HOXD3: variants seen among roughly 807,000 people sequenced by gnomAD.
HOXD3 encodes homeobox D3.
HOXD3 carries 13 observed loss-of-function variants against 32.8 expected under a neutral mutation model. The ratio of observed to expected loss-of-function variants is 0.40; its 90% CI spans 0.26 to 0.63. The LOEUF is 0.63. HOXD3 is among the 20% of genes least tolerant of loss of function. The pLI, the probability that HOXD3 is intolerant of heterozygous loss-of-function variation, is 0.44. For synonymous variants in HOXD3, 241 were observed against 246.8 expected (o/e 0.98, Z 0.22); for missense variants, 504 against 577.1 (o/e 0.87, Z 1.30).
chr2:176,168,566 T>TAAAACAAAAC (rs71879647), intron 2 of HOXD3, among the ~76,000 whole-genome samples: 38,577 of 150,194 alleles, frequency 0.26, 5,314 homozygotes, highest in Non-Finnish European at 0.31. Context: ...AAATTCCATC[T>TAAAACAAAAC]AAAACAAAAC....
rs533818375 is a variant in HOXD3, at chr2:176,172,658, C to T, written c.*384C>T. ...CCGCGTCTAGCTTAGTTTCAGAGAC[C>T]TTAATTTATATTCTCCTTCCTGTGC... On this transcript the variant is annotated 3_prime_UTR_variant, in exon 4 of 4. Coordinates refer to ENST00000683222, the MANE Select transcript of HOXD3 (RefSeq NM_006898.5). 4 of 233,960 alleles carry T rather than the reference C, an allele frequency of 1.7e-5. No individual in the cohort carries two copies. The South Asian group carries it at 5.7e-4, about 33-fold the overall frequency. 14.5% of individuals were successfully genotyped at this position (233,960 alleles called of 1,614,324 possible).
At chr2:176,168,269 A>AAAAAC (rs1553522177) in intron 2 of HOXD3, among the ~76,000 whole-genome samples, 2 of 149,916 alleles carry the variant, frequency 1.3e-5, no homozygotes, top group African/African-American at 5.0e-5. Flanking sequence ...TACAAAAAAA[A>AAAAAC]AAAAAAAAAA....
chr2:176,152,647 G>C, upstream of HOXD3: 1 of 1,614,110 alleles, frequency 6.2e-7, no homozygotes, highest in South Asian at 1.1e-5. The surrounding 1 kb of genome is among the most constrained non-coding windows in gnomAD (Gnocchi z 5.2). Flanking sequence ...AAGCGGTCCC[G>C]AACGGCCTAC....
chr2:176,171,945 C>T lies in HOXD3; in HGVS notation c.970C>T (p.Pro324Ser). 2 of 1,610,944 alleles carry T rather than the reference C, an allele frequency of 1.2e-6. No individual in the cohort carries two copies. Among genetic ancestry groups the T allele is most frequent in the Non-Finnish European group, 1.7e-6 (2 of 1,179,382 alleles). ...CACGGCGCCACTCAGCAGCTGCCTG[C>T]CACAACAGAAGCGCTACGCAGCGCC... is the stretch of plus-strand genomic sequence containing the variant. The part of the protein sequence containing the change: ...AYTAPLSSCL[P>S]QQKRYAAPEF... Residue 324 changes from proline (P) to serine (S), a missense_variant, in exon 4 of 4, where the codon CCA becomes TCA. Around this residue, in one of 3 missense-constraint regions of HOXD3, gnomAD observed 226 missense variants for 246.9 expected, o/e 0.92. Coordinates refer to ENST00000683222, the MANE Select transcript of HOXD3 (RefSeq NM_006898.5).
intron 3 of HOXD3, among the ~76,000 whole-genome samples, chr2:176,170,319 G>C (rs1559141604): frequency 6.6e-6 from 1 of 152,130 alleles, no homozygotes; most frequent in Non-Finnish European, 1.5e-5. Context: ...TCCCACTCCA[G>C]CAAATCCATA....
upstream of HOXD3, among the ~76,000 whole-genome samples, chr2:176,154,034 G>A (rs1690596287): frequency 1.3e-5 from 2 of 151,806 alleles, no homozygotes; most frequent in African/African-American, 4.8e-5. Context: ...GGAGAAAGTG[G>A]GAAGGTGAGG....
Position 176,171,812 on chromosome 2 carries a change from C to T in HOXD3, c.837C>T (p.His279=). Residue 279 remains histidine, a synonymous_variant, in exon 4 of 4, where the codon CAC becomes CAT. Coordinates refer to ENST00000683222, the MANE Select transcript of HOXD3 (RefSeq NM_006898.5). ...RSPPLGGAAG[H]VAYSGQLPPV... ...CACCGCTCGGCGGCGCCGCTGGCCA[C>T]GTGGCCTACTCCGGCCAGCTGCCGC... The T allele has an allele frequency of 6.2e-7, 1 of 1,611,816 alleles. No individual in the cohort carries two copies. The highest frequency in any genetic ancestry group is 1.3e-5 in the African/African-American group (1 of 75,030).
At chr2:176,154,838 G>A (rs1248525545), upstream of HOXD3, among the ~76,000 whole-genome samples, 8 of 152,208 alleles carry the variant, frequency 5.3e-5, no homozygotes, top group Non-Finnish European at 1.0e-4. Flanking sequence ...ATGGATATTC[G>A]TGCATTATTC....
In HOXD3 at chr2:176,171,843, C is replaced by A. The variant is rs1420694900; in HGVS notation, c.868C>A (p.Pro290Thr). ...VAYSGQLPPV[P>T]GLAYDAPSPP... Reference sequence around the variant, plus strand: ...CTACTCCGGCCAGCTGCCGCCAGTGCCCGGCCTGGCCTACGACGCGCCCTC... The same window carrying A: ...CTACTCCGGCCAGCTGCCGCCAGTGACCGGCCTGGCCTACGACGCGCCCTC... The change falls in exon 4 of 4, where the codon CCC (proline) becomes ACC (threonine). Residue 290 changes from proline (P) to threonine (T), a missense_variant. Transcript: ENST00000683222. The A allele has an allele frequency of 1.2e-6, 2 of 1,605,314 alleles. No individual in the cohort carries two copies. Among genetic ancestry groups the A allele is most frequent in the Non-Finnish European group, 1.7e-6 (2 of 1,175,924 alleles).
rs749208307 is a variant in HOXD3, at chr2:176,169,464, C to A, written c.350C>A (p.Pro117Gln). The change falls in exon 3 of 4, where the codon CCA becomes CAA. Residue 117 changes from proline (P) to glutamine (Q), a missense_variant. Physicochemically the swap from Pro to Gln is moderately conservative, Grantham distance 76. Around this residue, in one of 3 missense-constraint regions of HOXD3, gnomAD observed 181 missense variants for 172.2 expected, o/e 1.05. Transcript: ENST00000683222. ...PPGLNSEQQP[P>Q]QPPPPPPTLP... ...GGTCTGAACTCAGAGCAGCAGCCACCACAACCCCCTCCTCCACCACCGACC... is the reference window on the plus strand; with the variant it reads ...GGTCTGAACTCAGAGCAGCAGCCACAACAACCCCCTCCTCCACCACCGACC... The A allele has an allele frequency of 1.2e-6, 2 of 1,612,882 alleles. No individual in the cohort carries two copies. Among genetic ancestry groups the A allele is most frequent in the Admixed American group, 1.7e-5 (1 of 59,946 alleles).
Position 176,169,359 on chromosome 2 carries a change from A to C in HOXD3, c.245A>C (p.Lys82Thr), listed in dbSNP as rs1294396799. 1.9e-6 allele frequency: 3 copies of C among 1,613,942 alleles called. No homozygotes were observed. Among genetic ancestry groups the C allele is most frequent in the Non-Finnish European group, 2.5e-6 (3 of 1,179,968 alleles). ...SSAPLRAPAH[K>T]GAELNGSCMR... ...GCCCCTCTGAGAGCCCCAGCCCACA[A>C]AGGAGCTGAACTCAATGGCAGCTGC... The change falls in exon 3 of 4, where the codon AAA becomes ACA. Residue 82 changes from lysine (K) to threonine (T), a missense_variant. This residue lies in a region of HOXD3 where 181 missense variants were observed against 172.2 expected (regional missense o/e 1.05). Coordinates refer to ENST00000683222, the MANE Select transcript of HOXD3 (RefSeq NM_006898.5).
Position 176,162,090 on chromosome 2 carries a change from C to T in HOXD3, c.-180-1983C>T, listed in dbSNP as rs568731360. Among the ~76,000 whole-genome samples the T allele has an allele frequency of 1.2e-4, 19 of 152,258 alleles. 1 individual carries two copies. The highest frequency in any genetic ancestry group is 4.3e-4 in the African/African-American group (18 of 41,552). On this transcript the variant is annotated intron_variant, in intron 1 of 3. Transcript: ENST00000683222. ...TCCCTTAGCTTAGGTTGGGACAGGC[C>T]CTAGCAGGAGAGGAACCGACTTCCA... is the stretch of plus-strand genomic sequence containing the variant.
chr2:176,169,532 G>T lies in HOXD3; in HGVS notation c.418G>T (p.Ala140Ser). The T allele has an allele frequency of 6.2e-7, 1 of 1,614,018 alleles. No homozygotes were observed. The change falls in exon 3 of 4, where the codon GCC becomes TCC. Residue 140 changes from alanine to serine, a missense_variant. By Grantham distance (99) the Ala-to-Ser change is moderately conservative. Coordinates refer to ENST00000683222, the MANE Select transcript of HOXD3 (RefSeq NM_006898.5). ...CACCAATCCTGGAGGTGGAGTGCCT[G>T]CCAAGAAGCCCAAAGGTGGGCCCAA... ...SPTNPGGGVPAKKPKGGPNAS... is the reference protein window; with the variant it reads ...SPTNPGGGVPSKKPKGGPNAS...
In HOXD3 at chr2:176,169,418, G is replaced by A; in HGVS notation, c.304G>A (p.Gly102Ser). ...GGGCACTGGGAACAGCCAGGGTGGG[G>A]GTGGTGGCAGCCAGCCTCCTGGTCT... ...RPGTGNSQGG[G>S]GGSQPPGLNS... The change falls in exon 3 of 4, where the codon GGT (glycine) becomes AGT (serine). Residue 102 changes from glycine (G) to serine (S), a missense_variant. Physicochemically the swap from Gly to Ser is moderately conservative, Grantham distance 56 (BLOSUM62 0). Transcript: ENST00000683222. The A allele has an allele frequency of 1.2e-6, 2 of 1,613,634 alleles. No homozygotes were observed. The highest frequency in any genetic ancestry group is 1.3e-5 in the African/African-American group (1 of 74,962).
chr2:176,159,818 G>A (rs1690740989), intron 1 of HOXD3, among the ~76,000 whole-genome samples: 1 of 152,236 alleles, frequency 6.6e-6, no homozygotes, highest in African/African-American at 2.4e-5. Context: ...GAAGCGGGAA[G>A]TCGCGGCTTG....
intron 2 of HOXD3, 63 bp downstream of exon 2, chr2:176,164,231 A>G (rs1690893502): frequency 6.6e-6 from 1 of 152,234 alleles, no homozygotes; most frequent in Non-Finnish European, 1.5e-5. Context: ...CAAGGTGGCC[A>G]TCTCAAAATT....
At chr2:176,165,501 G>A (rs542881741) in intron 2 of HOXD3, 2 of 152,298 alleles carry the variant, frequency 1.3e-5, no homozygotes, top group South Asian at 2.1e-4. Context: ...CCTGTATTCC[G>A]GGCCTGCGGT....
At chr2:176,152,577 ACCTGCCTGT>A (rs757211370), upstream of HOXD3, 1 of 1,588,074 alleles carries the variant, frequency 6.3e-7, no homozygotes. This position sits in a 1 kb window ranked among gnomAD's most constrained non-coding sequence, Gnocchi z 5.2. Context: ...CCGGGCGCTG[ACCTGCCTGT>A]CCTGTCTGTT....
rs1281550895 is a variant in HOXD3, at chr2:176,169,550, G to A, written c.436G>A (p.Gly146Arg). The A allele has an allele frequency of 4.3e-6, 7 of 1,613,974 alleles. No homozygotes were observed. In the South Asian group the frequency reaches 7.7e-5, roughly 18 times the overall value. ...GGVPAKKPKG[G>R]PNASSSSATI... ...AGTGCCTGCCAAGAAGCCCAAAGGT[G>A]GGCCCAATGCTTCTAGCTCCTCAGC... is the stretch of plus-strand genomic sequence containing the variant. Residue 146 changes from glycine to arginine, a missense_variant, in exon 3 of 4, where the codon GGG becomes AGG. Around this residue, in one of 3 missense-constraint regions of HOXD3, gnomAD observed 97 missense variants for 158.0 expected, o/e 0.61. Transcript: ENST00000683222.
Sources: gnomAD v4.1 joint callset for allele counts (sites outside exome capture counted in the v4.1 genomes callset) on GRCh38, gnomAD v4.1.1 for gene constraint, gnomAD v4.1.1 regional missense constraint, Gnocchi (gnomAD v3.1) non-coding constraint, MANE v1.5 for transcripts, NCBI Gene and HGNC (gene_info 2026-07-23, HGNC 2026-07-21) for gene names.